Variants in OSBP2 observed in about 807,000 individuals in gnomAD.
The protein encoded by OSBP2 is oxysterol binding protein 2, also known as oxysterol-binding protein 2.
In OSBP2, 66 loss-of-function variants were observed where a neutral mutation model predicts 96.0. The ratio of observed to expected loss-of-function variants is 0.69; its 90% confidence interval spans 0.56 to 0.84. OSBP2 has a LOEUF of 0.84. Among genes scored for constraint, OSBP2 ranks in the 40% least tolerant of loss-of-function variants. The pLI is 0.00. For synonymous variants in OSBP2, 525 were observed against 520.9 expected (o/e 1.01, Z -0.11); for missense variants, 1,038 against 1,222.7 (o/e 0.85, Z 2.25).
intron 2 of OSBP2, among the ~76,000 whole-genome samples, chr22:30,751,654 C>T (rs1176992759): frequency 6.6e-6 from 1 of 152,180 alleles, no homozygotes; most frequent in Non-Finnish European, 1.5e-5. Context: ...TGCGCCCAGC[C>T]CTCTTCAAAT....
At chr22:30,806,614 G>A (rs956941799) in intron 2 of OSBP2, among the ~76,000 whole-genome samples, 1 of 152,186 alleles carries the variant, frequency 6.6e-6, no homozygotes. Context: ...GGAGGTGTTG[G>A]GGGGAGGAGA....
At chr22:30,791,264 G>A (rs1413792604) in intron 2 of OSBP2, among the ~76,000 whole-genome samples, 1 of 150,114 alleles carries the variant, frequency 6.7e-6, no homozygotes, top group Admixed American at 6.7e-5. Context: ...GAGCCACCAT[G>A]CCCAGCCAAC....
At chr22:30,840,885 C>G (rs983118736) in intron 2 of OSBP2, among the ~76,000 whole-genome samples, 1 of 151,892 alleles carries the variant, frequency 6.6e-6, no homozygotes, top group African/African-American at 2.4e-5. Flanking sequence ...ACAACGTGGG[C>G]TAGGCGAGGT....
chr22:30,702,521 TGAGA>T (rs1220483552), intron 1 of OSBP2, among the ~76,000 whole-genome samples: 1 of 152,014 alleles, frequency 6.6e-6, no homozygotes, highest in African/African-American at 2.4e-5. Flanking sequence ...GTCTGAGGCA[TGAGA>T]ATCACTTGAA....
At chr22:30,738,868 T>G (rs1001175194) in intron 1 of OSBP2, among the ~76,000 whole-genome samples, 4 of 152,198 alleles carry the variant, frequency 2.6e-5, no homozygotes, top group Non-Finnish European at 5.9e-5. Context: ...AGCTGACAAA[T>G]GTCTGATTGA....
chr22:30,707,948 T>C (rs1301770271), intron 1 of OSBP2, among the ~76,000 whole-genome samples: 1 of 151,480 alleles, frequency 6.6e-6, no homozygotes, highest in Admixed American at 6.6e-5. Context: ...AGTGCAGTGG[T>C]GCAGTCTTGG....
chr22:30,708,473 T>C (rs932035212), intron 1 of OSBP2, among the ~76,000 whole-genome samples: 25 of 132,770 alleles, frequency 1.9e-4, no homozygotes, highest in Non-Finnish European at 1.1e-4. Flanking sequence ...CTCTAAAGGA[T>C]AAGGATTTTT....
chr22:30,829,338 G>A (rs545267523), intron 2 of OSBP2, among the ~76,000 whole-genome samples: 1 of 152,288 alleles, frequency 6.6e-6, no homozygotes, highest in African/African-American at 2.4e-5. Context: ...AGTCTTCCAG[G>A]CTGCAGTGCC....
chr22:30,864,832 G>A (rs2039297349), intron 2 of OSBP2, among the ~76,000 whole-genome samples: 2 of 152,098 alleles, frequency 1.3e-5, no homozygotes, highest in Admixed American at 6.6e-5. Flanking sequence ...ATGAGGGGAC[G>A]GGTCCCTGCT....
At chr22:30,849,892 TG>T (rs1402120039) in intron 2 of OSBP2, among the ~76,000 whole-genome samples, 1 of 152,192 alleles carries the variant, frequency 6.6e-6, no homozygotes, top group East Asian at 1.9e-4. Context: ...TTTTTGTGTA[TG>T]GGGTGACATA....
intron 2 of OSBP2, chr22:30,822,852 G>C: frequency 1.5e-6 from 1 of 687,386 alleles, no homozygotes. Flanking sequence ...GGAGCCTCGG[G>C]GAACCCCTGT....
At chr22:30,741,096 G>A in intron 1 of OSBP2, 65 bp from the exon 2 acceptor site, 1 of 1,279,180 alleles carries the variant, frequency 7.8e-7, no homozygotes. Context: ...TGCCTGGAGG[G>A]TTTCTTTAGT....
intron 1 of OSBP2, among the ~76,000 whole-genome samples, chr22:30,715,567 T>TC (rs2089437748): frequency 6.6e-6 from 1 of 151,178 alleles, no homozygotes; most frequent in East Asian, 2.0e-4. Flanking sequence ...TTTTTTTTTT[T>TC]TGAGGTGGAG....
chr22:30,867,813 C>A (rs925764776), intron 2 of OSBP2, among the ~76,000 whole-genome samples: 1 of 152,270 alleles, frequency 6.6e-6, no homozygotes, highest in Non-Finnish European at 1.5e-5. Flanking sequence ...CTGTACCTCT[C>A]ACCAGCTCTT....
rs1569100718 is a variant in OSBP2, at chr22:30,730,804, ATATAATTTTT to A, written c.645-10355_645-10346del. 5.2e-3 allele frequency among the ~76,000 whole-genome samples: 241 copies of A among 46,292 alleles called. 23 individuals carry two copies. Among genetic ancestry groups the A allele is most frequent in the African/African-American group, 0.022 (186 of 8,440 alleles). 30.4% of individuals were successfully genotyped at this position (46,292 alleles called of 152,430 possible). On this transcript the variant is annotated intron_variant, in intron 1 of 13. Coordinates refer to ENST00000332585, the MANE Select transcript of OSBP2 (RefSeq NM_030758.4). ...TATATATATATATATATATATATAT[ATATAATTTTT>A]TTTTTTTTTCCCATGGACATTTTTG...
At chr22:30,703,854 A>G (rs1368414470) in intron 1 of OSBP2, among the ~76,000 whole-genome samples, 1 of 152,190 alleles carries the variant, frequency 6.6e-6, no homozygotes, top group African/African-American at 2.4e-5. Context: ...CTATTGATCA[A>G]AGAAGGGGCC....
At chr22:30,889,364 C>T in intron 6 of OSBP2, 126 bp from the exon 7 acceptor site, 1 of 1,420,282 alleles carries the variant, frequency 7.0e-7, no homozygotes, top group Non-Finnish European at 9.8e-7. Flanking sequence ...ACCATCCTGG[C>T]CTTCCACCAG....
At chr22:30,867,563 T>C (rs561091850) in intron 2 of OSBP2, among the ~76,000 whole-genome samples, 133 of 152,366 alleles carry the variant, frequency 8.7e-4, no homozygotes, top group African/African-American at 3.0e-3. Flanking sequence ...TGCCTGTCTC[T>C]GCAGAACAGA....
chr22:30,812,304 T>C (rs534702874), intron 2 of OSBP2, among the ~76,000 whole-genome samples: 2 of 152,318 alleles, frequency 1.3e-5, no homozygotes, highest in African/African-American at 4.8e-5. Context: ...CAGCTGGGAC[T>C]ACAGGCGCGC....
Sources: allele counts gnomAD v4.1 joint callset (sites outside exome capture counted in the v4.1 genomes callset), GRCh38; gene constraint gnomAD v4.1.1; transcripts MANE v1.5; gene names NCBI Gene and HGNC (gene_info 2026-07-23, HGNC 2026-07-21).